Variants in ALDH2 observed in about 807,000 individuals in gnomAD.
ALDH2 encodes aldehyde dehydrogenase 2 family member.
Under a neutral mutation model 59.6 loss-of-function variants are expected in ALDH2, and 44 were observed. The ratio of observed to expected loss-of-function variants is 0.74; its 90% CI spans 0.58 to 0.95. The LOEUF (loss-of-function observed/expected upper bound fraction) is 0.95. Among genes scored for constraint, ALDH2 ranks in the 40% least tolerant of loss-of-function variants. The pLI is 0.00. For missense variants in ALDH2, 570 were observed against 696.3 expected (o/e 0.82, Z 2.04); for synonymous variants, 291 against 284.0 (o/e 1.02, Z -0.25).
intron 6 of ALDH2, among the ~76,000 whole-genome samples, 181 bp from the exon 7 acceptor site, chr12:111,791,125 G>A (rs201726227): frequency 2.0e-5 from 3 of 152,180 alleles, no homozygotes; most frequent in African/African-American, 7.2e-5. Flanking sequence ...GAACCCCAGC[G>A]AACAGACTCC....
At chr12:111,799,328 G>A (rs1449682873) in intron 10 of ALDH2, among the ~76,000 whole-genome samples, 1 of 151,570 alleles carries the variant, frequency 6.6e-6, no homozygotes. Flanking sequence ...ACCACGCCCA[G>A]CTAATTTTTC....
Position 111,785,267 on chromosome 12 carries a change from G to C in ALDH2, c.361G>C (p.Ala121Pro). 1 of 1,613,576 alleles carries C rather than the reference G, an allele frequency of 6.2e-7. No individual in the cohort carries two copies. The highest frequency in any genetic ancestry group is 1.3e-5 in the African/African-American group (1 of 74,980). Reference protein sequence around the residue: ...LIERDRTYLAALETLDNGKPY... With the variant: ...LIERDRTYLAPLETLDNGKPY... Reference sequence around the variant, plus strand: ...TCTGCTGACCTTGTTTTCTTCTCAGGCCTTGGAGACCCTGGACAATGGCAA... The same window carrying C: ...TCTGCTGACCTTGTTTTCTTCTCAGCCCTTGGAGACCCTGGACAATGGCAA... Residue 121 changes from alanine (A) to proline (P), a missense_variant and splice_region_variant, in exon 4 of 13, where the codon GCC becomes CCC. By Grantham distance (27) the Ala-to-Pro change is conservative. Transcript: ENST00000261733.
chr12:111,769,365 A>G (rs1010375878), intron 1 of ALDH2, among the ~76,000 whole-genome samples: 7 of 152,050 alleles, frequency 4.6e-5, no homozygotes, highest in African/African-American at 1.7e-4. Flanking sequence ...GCAGTGAACT[A>G]TGATTGTGCC....
Position 111,792,680 on chromosome 12 carries a change from G to A in ALDH2, c.981G>A (p.Val327=). The change falls in exon 9 of 13, where the codon GTG becomes GTA. Residue 327 remains valine, a synonymous_variant. Transcript: ENST00000261733. ...GCTGTGCCGGCTCCCGGACCTTCGT[G>A]CAGGAGGACATCTATGATGAGTTTG... ...QCCCAGSRTF[V]QEDIYDEFVE... 1.9e-6 allele frequency: 3 copies of A among 1,609,198 alleles called. No homozygotes were observed. Among genetic ancestry groups the A allele is most frequent in the Non-Finnish European group, 2.5e-6 (3 of 1,178,124 alleles).
At chr12:111,775,714 G>A (rs1468150157) in intron 1 of ALDH2, 3 of 455,250 alleles carry the variant, frequency 6.6e-6, no homozygotes, top group Non-Finnish European at 8.8e-6. Context: ...GCGTTTACGT[G>A]TGTTATGTAA....
intron 9 of ALDH2, 143 bp from the exon 10 acceptor site, chr12:111,797,935 C>T (rs1566192362): frequency 2.2e-6 from 2 of 920,916 alleles, no homozygotes; most frequent in South Asian, 1.5e-5. Context: ...GCTATTGGCC[C>T]TGTGTGTTTC....
intron 9 of ALDH2, among the ~76,000 whole-genome samples, chr12:111,794,321 CTTTTTA>C (rs1263873100): frequency 1.3e-5 from 2 of 150,936 alleles, no homozygotes; most frequent in Admixed American, 6.6e-5. Context: ...CCTGGCCGAT[CTTTTTA>C]TTGTCTCTAT....
At chr12:111,775,501 G>A (rs775812245) in intron 1 of ALDH2, 8 of 373,756 alleles carry the variant, frequency 2.1e-5, no homozygotes, top group East Asian at 7.9e-5. Flanking sequence ...TATGGAATGC[G>A]TGGGTGAATG....
rs534394583 is a variant in ALDH2, at chr12:111,812,383, C to T, written c.*2808C>T. The T allele has an allele frequency of 1.3e-5, 2 of 152,160 alleles. No individual in the cohort carries two copies. Among genetic ancestry groups the T allele is most frequent in the Non-Finnish European group, 2.9e-5 (2 of 68,052 alleles). The allele number at this position is 152,160 out of a possible 1,614,324, so 9.4% of individuals were successfully genotyped here. On this transcript the variant is annotated 3_prime_UTR_variant, in exon 13 of 13. Transcript: ENST00000261733. ...AGCTCGTGCCCTCGGTCTCTTGCCTCAGCACCTGGATGGCTTGCCGCCCAC... is the reference window on the plus strand; with the variant it reads ...AGCTCGTGCCCTCGGTCTCTTGCCTTAGCACCTGGATGGCTTGCCGCCCAC...
intron 12 of ALDH2, among the ~76,000 whole-genome samples, chr12:111,806,826 G>A (rs2068498637): frequency 6.6e-6 from 1 of 151,564 alleles, no homozygotes; most frequent in African/African-American, 2.4e-5. Context: ...GCAAAAATTG[G>A]CCAGGCTGGT....
rs191240032 is a variant in ALDH2, at chr12:111,789,933, C to T, written c.551C>T (p.Pro184Leu). Residue 184 changes from proline (P) to leucine (L), a missense_variant and splice_region_variant, in exon 5 of 13, where the codon CCG becomes CTG. Coordinates refer to ENST00000261733, the MANE Select transcript of ALDH2 (RefSeq NM_000690.4). Reference sequence around the variant, plus strand: ...GTGGGGGTGTGCGGGCAGATCATTCCGGTGAGTCCAGCCTCCCTGGAGTTT... The same window carrying T: ...GTGGGGGTGTGCGGGCAGATCATTCTGGTGAGTCCAGCCTCCCTGGAGTTT... ...EPVGVCGQIIPWNFPLLMQAW... is the reference protein window; with the variant it reads ...EPVGVCGQIILWNFPLLMQAW... 1.2e-5 allele frequency: 20 copies of T among 1,613,676 alleles called. No individual in the cohort carries two copies. The highest frequency in any genetic ancestry group is 1.5e-5 in the Non-Finnish European group (18 of 1,179,656).
In ALDH2 at chr12:111,811,429, A is replaced by C. The variant is rs1317575108; in HGVS notation, c.*1854A>C. 6.6e-6 allele frequency: 1 copy of C among 151,746 alleles called. No homozygotes were observed. The highest frequency in any genetic ancestry group is 1.5e-5 in the Non-Finnish European group (1 of 67,882). 9.4% of individuals were successfully genotyped at this position (151,746 alleles called of 1,614,324 possible). On this transcript the variant is annotated 3_prime_UTR_variant, in exon 13 of 13. Coordinates refer to ENST00000261733, the MANE Select transcript of ALDH2 (RefSeq NM_000690.4). ...TCAGCAGTCTCTACCATCATGTGAAACACCACTCTGTGATTTGAGTCTTGA... is the reference window on the plus strand; with the variant it reads ...TCAGCAGTCTCTACCATCATGTGAACCACCACTCTGTGATTTGAGTCTTGA...
chr12:111,806,874 G>C (rs2068498982), intron 12 of ALDH2, among the ~76,000 whole-genome samples: 2 of 152,050 alleles, frequency 1.3e-5, no homozygotes, highest in Admixed American at 1.3e-4. Flanking sequence ...GGGAGGCTGA[G>C]ACAAGAGTTG....
intron 1 of ALDH2, among the ~76,000 whole-genome samples, chr12:111,770,252 C>G (rs548504368): frequency 3.9e-5 from 6 of 152,248 alleles, no homozygotes; most frequent in South Asian, 4.2e-4. Flanking sequence ...GGCTTCATGG[C>G]CACTGGTGCC....
rs764073001 is a variant in ALDH2 at position 111,798,108 on chromosome 12, G to A, written c.1114G>A (p.Gly372Ser). 6.8e-6 allele frequency: 11 copies of A among 1,614,078 alleles called. No individual in the cohort carries two copies. Among genetic ancestry groups the A allele is most frequent in the South Asian group, 3.3e-5 (3 of 91,074 alleles). Reference protein sequence around the residue: ...VDETQFKKILGYINTGKQEGA... With the variant: ...VDETQFKKILSYINTGKQEGA... Reference sequence around the variant, plus strand: ...TGAAACTCAGTTTAAGAAGATCCTCGGCTACATCAACACGGGGAAGCAAGA... The same window carrying A: ...TGAAACTCAGTTTAAGAAGATCCTCAGCTACATCAACACGGGGAAGCAAGA... Residue 372 changes from glycine to serine, a missense_variant, in exon 10 of 13, where the codon GGC becomes AGC. Transcript: ENST00000261733.
chr12:111,799,591 G>T (rs944628110), intron 10 of ALDH2, among the ~76,000 whole-genome samples: 2 of 152,098 alleles, frequency 1.3e-5, no homozygotes, highest in African/African-American at 4.8e-5. Context: ...TTACAGGCAT[G>T]AGCCACAATG....
chr12:111,771,324 G>A (rs1235976039), intron 1 of ALDH2, among the ~76,000 whole-genome samples: 3 of 152,098 alleles, frequency 2.0e-5, no homozygotes. Context: ...TTGAGCCAAG[G>A]AGTTTGAGGC....
Position 111,803,924 on chromosome 12 carries a change from G to T in ALDH2, c.1472G>T (p.Gly491Val). ...GGTGGCTACAAGATGTCGGGGAGTG[G>T]CCGGGAGTTGGGCGAGTACGGGCTG... ...PFGGYKMSGSGRELGEYGLQA... is the reference protein window; with the variant it reads ...PFGGYKMSGSVRELGEYGLQA... Residue 491 changes from glycine (G) to valine (V), a missense_variant, in exon 12 of 13, where the codon GGC becomes GTC. By Grantham distance (109) the Gly-to-Val change is moderately radical. Transcript: ENST00000261733. 1 of 1,613,220 alleles carries T rather than the reference G, an allele frequency of 6.2e-7. No individual in the cohort carries two copies. The highest frequency in any genetic ancestry group is 1.3e-5 in the African/African-American group (1 of 75,006).
At chr12:111,769,627 C>A (rs755819697) in intron 1 of ALDH2, among the ~76,000 whole-genome samples, 2 of 151,406 alleles carry the variant, frequency 1.3e-5, no homozygotes, top group East Asian at 1.9e-4. Context: ...TGAAGCTCGC[C>A]GTCTCACTGA....
Sources: allele counts gnomAD v4.1 joint callset (sites outside exome capture counted in the v4.1 genomes callset), GRCh38; gene constraint gnomAD v4.1.1; transcripts MANE v1.5; gene names NCBI Gene and HGNC (gene_info 2026-07-23, HGNC 2026-07-21).